Variants in NTM observed in about 807,000 individuals in gnomAD.
NTM encodes the protein IgLON family member 2.
A neutral mutation model predicts 42.1 loss-of-function variants in NTM; 13 were observed. That is an observed-to-expected ratio of 0.31 (90% CI 0.20 to 0.49). The LOEUF (loss-of-function observed/expected upper bound fraction) is 0.49, where lower values mean the gene tolerates loss of function less well. NTM is among the 20% of genes least tolerant of loss of function. NTM has a pLI of 0.99. For synonymous variants in NTM, 187 were observed against 179.2 expected (o/e 1.04, Z -0.35); for missense variants, 373 against 452.8 (o/e 0.82, Z 1.60).
chr11:132,081,422 A>G (rs887555307), intron 2 of NTM, among the ~76,000 whole-genome samples: 10 of 152,136 alleles, frequency 6.6e-5, no homozygotes, highest in African/African-American at 2.4e-4. Flanking sequence ...AAGAGGATGG[A>G]CAATACATCT....
intron 4 of NTM, among the ~76,000 whole-genome samples, chr11:132,246,080 T>A (rs2091094295): frequency 6.6e-6 from 1 of 152,204 alleles, no homozygotes; most frequent in South Asian, 2.1e-4. Flanking sequence ...TGGAGTCTCC[T>A]TGCCTTGGGC....
At chr11:131,584,705 T>C (rs2058704076) in intron 1 of NTM, among the ~76,000 whole-genome samples, 1 of 152,280 alleles carries the variant, frequency 6.6e-6, no homozygotes, top group Non-Finnish European at 1.5e-5. Context: ...TCTGCAATTT[T>C]GTGAGATTAC....
At chr11:131,481,737 T>C (rs1953617969) in intron 1 of NTM, among the ~76,000 whole-genome samples, 1 of 152,178 alleles carries the variant, frequency 6.6e-6, no homozygotes, top group Non-Finnish European at 1.5e-5. Context: ...CACTATGAGC[T>C]CTGCATTGTT....
At chr11:131,371,826 A>G (rs1441394408) in intron 1 of NTM, among the ~76,000 whole-genome samples, 1 of 152,140 alleles carries the variant, frequency 6.6e-6, no homozygotes, top group Non-Finnish European at 1.5e-5. Flanking sequence ...TTTATATTAA[A>G]CACAGCTAAA....
intron 7 of NTM, among the ~76,000 whole-genome samples, chr11:132,320,179 T>C (rs2095528479): frequency 6.6e-6 from 1 of 152,238 alleles, no homozygotes; most frequent in Non-Finnish European, 1.5e-5. Context: ...AGCCGCAAGA[T>C]GGCTGAATAG....
intron 3 of NTM, among the ~76,000 whole-genome samples, chr11:132,192,817 T>C (rs1349258638): frequency 6.6e-6 from 1 of 152,016 alleles, no homozygotes; most frequent in East Asian, 1.9e-4. Context: ...GATGTATCAG[T>C]CAAACAGAAA....
intron 2 of NTM, among the ~76,000 whole-genome samples, chr11:132,033,344 A>G (rs1200733886): frequency 6.6e-6 from 1 of 152,230 alleles, no homozygotes; most frequent in African/African-American, 2.4e-5. Flanking sequence ...CAATCTGCCT[A>G]GCTGAAGAGA....
intron 1 of NTM, among the ~76,000 whole-genome samples, chr11:131,523,536 C>A (rs1206953117): frequency 6.6e-6 from 1 of 152,020 alleles, no homozygotes; most frequent in Admixed American, 6.6e-5. Flanking sequence ...TTCCTGTAAT[C>A]CCAGCACTTT....
chr11:131,854,957 T>G (rs750695631), intron 1 of NTM, among the ~76,000 whole-genome samples: 7 of 151,940 alleles, frequency 4.6e-5, no homozygotes, highest in Non-Finnish European at 7.4e-5. Context: ...ATGCAGGCAA[T>G]ATAGACCAAT....
intron 7 of NTM, among the ~76,000 whole-genome samples, chr11:132,323,397 C>T (rs1315353800): frequency 1.3e-5 from 2 of 151,688 alleles, no homozygotes; most frequent in African/African-American, 2.4e-5. Context: ...ACTACAAACA[C>T]CTCTATGCAA....
intron 2 of NTM, among the ~76,000 whole-genome samples, chr11:131,945,029 G>A (rs1389120783): frequency 1.3e-5 from 2 of 152,192 alleles, no homozygotes; most frequent in Non-Finnish European, 2.9e-5. Context: ...TCCCATTGGT[G>A]TGTAGTCAGA....
chr11:131,918,442 C>T (rs765328428), intron 2 of NTM, among the ~76,000 whole-genome samples: 2 of 152,150 alleles, frequency 1.3e-5, no homozygotes, highest in Non-Finnish European at 2.9e-5. Flanking sequence ...AGCAGTTTAC[C>T]AGAAGAACCT....
At chr11:132,135,328 C>G (rs1201654442) in intron 2 of NTM, among the ~76,000 whole-genome samples, 2 of 152,226 alleles carry the variant, frequency 1.3e-5, no homozygotes, top group Non-Finnish European at 2.9e-5. Context: ...TCCTTGCAGC[C>G]TCCCAAATAT....
rs185215824 is a variant in NTM at position 132,082,011 on chromosome 11, C to G, written c.168-64271C>G. ...CTGGCACAGAGAATATGAAAAGCAA[C>G]TATATTATGAGAGGACTTCAAAAAT... On this transcript the variant is annotated intron_variant, in intron 2 of 8. Coordinates refer to ENST00000683400, the MANE Select transcript of NTM (RefSeq NM_001352005.2). Among the ~76,000 whole-genome samples the G allele has an allele frequency of 1.0e-4, 15 of 146,154 alleles. No individual in the cohort carries two copies. In the Admixed American group the frequency reaches 1.0e-3, roughly 10 times the overall value.
intron 1 of NTM, among the ~76,000 whole-genome samples, chr11:131,748,503 C>T (rs912382388): frequency 6.6e-6 from 1 of 152,314 alleles, no homozygotes; most frequent in East Asian, 1.9e-4. Context: ...CAGGCTAGAT[C>T]TATTCATTCT....
At position 131,931,570 on chromosome 11, in the gene NTM, TC is replaced by T. The variant is rs572839007; in HGVS notation, c.167+19926del. The stretch of plus-strand genomic sequence containing the variant: ...GGCCATGGGGCTTTTTGCACACACA[TC>T]CCCATGTGTAGGGCGTTGCACTAGG... On this transcript the variant is annotated intron_variant, in intron 2 of 8. Coordinates refer to ENST00000683400, the MANE Select transcript of NTM (RefSeq NM_001352005.2). 2.7e-5 allele frequency among the ~76,000 whole-genome samples: 4 copies of T among 149,870 alleles called. No individual in the cohort carries two copies. The South Asian group carries it at 8.7e-4, about 33-fold the overall frequency.
chr11:131,833,484 C>G (rs1373027670), intron 1 of NTM, among the ~76,000 whole-genome samples: 2 of 152,170 alleles, frequency 1.3e-5, no homozygotes, highest in Admixed American at 1.3e-4. Context: ...TCCCTAAGGT[C>G]ACACAGCCAG....
At chr11:132,024,117 A>ATT (rs575820530) in intron 2 of NTM, among the ~76,000 whole-genome samples, 2 of 148,604 alleles carry the variant, frequency 1.3e-5, no homozygotes, top group South Asian at 2.2e-4. Context: ...TGCACCCAGC[A>ATT]TTTTTTTTTT....
chr11:132,264,492 C>A (rs138706802), intron 4 of NTM, among the ~76,000 whole-genome samples: 2 of 152,270 alleles, frequency 1.3e-5, no homozygotes, highest in Admixed American at 1.3e-4. Context: ...ATTTGTCATA[C>A]AACAGTTTTA....
Sources: allele counts gnomAD v4.1 joint callset (sites outside exome capture counted in the v4.1 genomes callset), GRCh38; gene constraint gnomAD v4.1.1; transcripts MANE v1.5; gene names NCBI Gene and HGNC (gene_info 2026-07-23, HGNC 2026-07-21).